The following DTX1 variants were observed in gnomAD, a reference collection of about 807,000 sequenced individuals.
DTX1 encodes the protein deltex E3 ubiquitin ligase 1.
Under a neutral mutation model 57.8 loss-of-function variants are expected in DTX1, and 26 were observed. The ratio of observed to expected loss-of-function variants is 0.45; its 90% CI spans 0.33 to 0.62. The LOEUF (loss-of-function observed/expected upper bound fraction) is 0.62, where lower values mean the gene tolerates loss of function less well. Among genes scored for constraint, DTX1 ranks in the 20% least tolerant of loss-of-function variants. DTX1 has a pLI of 0.02. For missense variants in DTX1, 704 were observed against 895.3 expected (o/e 0.79, Z 2.73); for synonymous variants, 398 against 394.1 (o/e 1.01, Z -0.12).
intron 3 of DTX1, among the ~76,000 whole-genome samples, chr12:113,080,589 A>AGAATGGAATGGAATG (rs111327121): frequency 0.053 from 8,007 of 151,186 alleles, 363 homozygotes; most frequent in Admixed American, 0.14. Flanking sequence ...TTCTTGGAAC[A>AGAATGGAATGGAATG]GAATGGAATG....
At chr12:113,080,902 T>A (rs2044811302) in intron 3 of DTX1, among the ~76,000 whole-genome samples, 1 of 150,282 alleles carries the variant, frequency 6.7e-6, no homozygotes, top group Non-Finnish European at 1.5e-5. Context: ...TTGAGCCCAG[T>A]AGGTCAAGGC....
At chr12:113,061,393 C>T (rs542283149) in intron 2 of DTX1, among the ~76,000 whole-genome samples, 3 of 152,172 alleles carry the variant, frequency 2.0e-5, no homozygotes, top group Admixed American at 1.3e-4. Context: ...GTTTTTCCCT[C>T]GCTTTACCCA....
At position 113,072,629 on chromosome 12, in the gene DTX1, T is replaced by G. The variant is rs534095536; in HGVS notation, c.260-4795T>G. Reference sequence around the variant, plus strand: ...TGGGGTAGATATTAATACCCCCATTTTATAGATAAGGGCACTGAGGCTATG... The same window carrying G: ...TGGGGTAGATATTAATACCCCCATTGTATAGATAAGGGCACTGAGGCTATG... On this transcript the variant is annotated intron_variant, in intron 2 of 9. Coordinates refer to ENST00000548759, the MANE Select transcript of DTX1 (RefSeq NM_004416.3). Among the ~76,000 whole-genome samples, 4 of 152,252 alleles carry G rather than the reference T, an allele frequency of 2.6e-5. No homozygotes were observed. In the South Asian group the frequency reaches 8.3e-4, roughly 32 times the overall value.
rs1206685271 is a variant in DTX1, at chr12:113,077,856, C to A, written c.692C>A (p.Pro231Gln). 9.8e-6 allele frequency: 13 copies of A among 1,320,370 alleles called. No individual in the cohort carries two copies. Among genetic ancestry groups the A allele is most frequent in the Non-Finnish European group, 1.2e-5 (13 of 1,045,286 alleles). 81.8% of individuals were successfully genotyped at this position (1,320,370 alleles called of 1,614,324 possible). A position where few individuals can be genotyped will look rare whatever the true frequency, so the allele number is the denominator to read the frequency against. Residue 231 changes from proline to glutamine, a missense_variant, in exon 3 of 10, where the codon CCG becomes CAG. Pro to Gln is a moderately conservative substitution (Grantham distance 76, BLOSUM62 -1). Transcript: ENST00000548759. The surrounding 1 kb of genome is among the most constrained non-coding windows in gnomAD (Gnocchi z 7.8). ...SQRRKAPPAP[P>Q]LPPPPPPGGP... is the part of the protein sequence containing the mutation. ...CGCCGCAAGGCGCCCCCCGCGCCCC[C>A]GCTGCCGCCGCCGCCGCCACCTGGA...
At chr12:113,060,849 G>A (rs1251344023) in intron 2 of DTX1, among the ~76,000 whole-genome samples, 4 of 152,156 alleles carry the variant, frequency 2.6e-5, no homozygotes, top group Admixed American at 6.5e-5. Context: ...AGGAGGTCTG[G>A]TGTTCTGCAG....
At position 113,096,886 on chromosome 12, in the gene DTX1, G is replaced by C; in HGVS notation, c.1810G>C (p.Val604Leu). The part of the protein sequence containing the change: ...GYPDASYLDN[V>L]LAELTAQGVS... Reference sequence around the variant, plus strand: ...CCCGGACGCTAGCTACCTAGACAACGTGCTGGCTGAGCTCACAGCCCAGGG... The same window carrying C: ...CCCGGACGCTAGCTACCTAGACAACCTGCTGGCTGAGCTCACAGCCCAGGG... Residue 604 changes from valine (V) to leucine (L), a missense_variant, in exon 10 of 10, where the codon GTG becomes CTG. By Grantham distance (32) the Val-to-Leu change is conservative. Transcript: ENST00000548759. The C allele has an allele frequency of 6.2e-7, 1 of 1,613,448 alleles. No individual in the cohort carries two copies. Among genetic ancestry groups the C allele is most frequent in the Non-Finnish European group, 8.5e-7 (1 of 1,180,034 alleles).
intron 3 of DTX1, among the ~76,000 whole-genome samples, chr12:113,078,329 T>A (rs967614049): frequency 6.6e-6 from 1 of 152,160 alleles, no homozygotes; most frequent in Admixed American, 6.5e-5. Flanking sequence ...ATGAGGTAGG[T>A]ACCATCATCA....
intron 3 of DTX1, among the ~76,000 whole-genome samples, chr12:113,082,156 T>C (rs373373810): frequency 3.9e-4 from 59 of 152,178 alleles, no homozygotes; most frequent in South Asian, 2.7e-3. Context: ...AGCCCAGACA[T>C]TGGCCTGGAA....
Position 113,093,445 on chromosome 12 carries a change from A to AAC in DTX1, c.1004-94_1004-93insAC. The AAC allele has an allele frequency of 1.8e-6, 1 of 565,024 alleles. No individual in the cohort carries two copies. Among genetic ancestry groups the AAC allele is most frequent in the Non-Finnish European group, 2.8e-6 (1 of 358,488 alleles). 35.0% of individuals were successfully genotyped at this position (565,024 alleles called of 1,614,324 possible). The stretch of plus-strand genomic sequence containing the variant: ...TGGGGCCCAAGAGCGCAACCCTCCC[A>AAC]CCCACCCGAGGGCCCCGGGATTCCC... On this transcript the variant is annotated intron_variant, in intron 4 of 9. Coordinates refer to ENST00000548759, the MANE Select transcript of DTX1 (RefSeq NM_004416.3). The surrounding 1 kb of genome is among the most constrained non-coding windows in gnomAD (Gnocchi z 4.2).
chr12:113,082,415 GGC>G (rs757182551), intron 3 of DTX1, among the ~76,000 whole-genome samples: 1 of 152,162 alleles, frequency 6.6e-6, no homozygotes, highest in Non-Finnish European at 1.5e-5. Context: ...GGCAGACCCT[GGC>G]TTCTTCCGCC....
chr12:113,065,953 G>T (rs561699625), intron 2 of DTX1, among the ~76,000 whole-genome samples: 3 of 152,230 alleles, frequency 2.0e-5, no homozygotes, highest in Middle Eastern at 3.4e-3. Flanking sequence ...CCAGGCCTCC[G>T]CCCGCCACCT....
chr12:113,093,577 G>T lies in DTX1; in HGVS notation c.1042G>T (p.Val348Leu). ...GILLCAAGLP[V>L]CLTRAPKPIL... Reference sequence around the variant, plus strand: ...ACTGCTGTGCGCGGCCGGGCTGCCCGTGTGCCTGACGCGGGCCCCCAAGCC... The same window carrying T: ...ACTGCTGTGCGCGGCCGGGCTGCCCTTGTGCCTGACGCGGGCCCCCAAGCC... Residue 348 changes from valine (V) to leucine (L), a missense_variant, in exon 5 of 10, where the codon GTG (valine) becomes TTG (leucine). By Grantham distance (32) the Val-to-Leu change is conservative (BLOSUM62 1). Transcript: ENST00000548759. This position sits in a 1 kb window ranked among gnomAD's most constrained non-coding sequence, Gnocchi z 4.2. 1.2e-6 allele frequency: 2 copies of T among 1,610,818 alleles called. No homozygotes were observed. Among genetic ancestry groups the T allele is most frequent in the Non-Finnish European group, 1.7e-6 (2 of 1,178,790 alleles).
intron 3 of DTX1, among the ~76,000 whole-genome samples, chr12:113,079,033 A>G (rs1039453128): frequency 2.6e-5 from 4 of 152,088 alleles, no homozygotes; most frequent in Non-Finnish European, 5.9e-5. Context: ...ATGGGCACCC[A>G]GCTTGTATCA....
At chr12:113,091,654 C>CCCAAG (rs1401341978) in intron 3 of DTX1, among the ~76,000 whole-genome samples, 5 of 152,132 alleles carry the variant, frequency 3.3e-5, no homozygotes, top group Admixed American at 6.5e-5. Flanking sequence ...TGCAGCAGTA[C>CCCAAG]CCAAGCCTGC....
At chr12:113,086,526 G>A (rs184086340) in intron 3 of DTX1, among the ~76,000 whole-genome samples, 10 of 152,270 alleles carry the variant, frequency 6.6e-5, no homozygotes, top group African/African-American at 2.2e-4. Flanking sequence ...TGGGAGAGAC[G>A]GGTGGGACTG....
In DTX1 at chr12:113,093,693, T is replaced by G; in HGVS notation, c.1158T>G (p.Leu386=). 6.2e-7 allele frequency: 1 copy of G among 1,613,530 alleles called. No individual in the cohort carries two copies. The highest frequency in any genetic ancestry group is 8.5e-7 in the Non-Finnish European group (1 of 1,179,852). ...GCCGCAAGACCAAGAAGAAGCACCT[T>G]AAAAAGAGTACGCCCTCCACGCCCT... is the stretch of plus-strand genomic sequence containing the variant. ...GVCRKTKKKH[L]KKSKNPEDVV... Residue 386 remains leucine, a synonymous_variant, in exon 5 of 10, where the codon CTT becomes CTG. Transcript: ENST00000548759. The surrounding 1 kb of genome is among the most constrained non-coding windows in gnomAD (Gnocchi z 4.2).
At position 113,095,095 on chromosome 12, in the gene DTX1, T is replaced by C. The variant is rs766112060; in HGVS notation, c.1440T>C (p.Gly480=). ...TCKAIYGEKT[G]TQPPGKMEFH... is the part of the protein sequence containing the mutation. ...AGGCCATCTACGGGGAGAAGACGGG[T>C]ACGCAGCCGCCTGGGAAGATGGAGT... Residue 480 remains glycine, a synonymous_variant, in exon 8 of 10, where the codon GGT becomes GGC. Transcript: ENST00000548759. The C allele has an allele frequency of 2.5e-6, 4 of 1,613,794 alleles. No individual in the cohort carries two copies. The highest frequency in any genetic ancestry group is 3.4e-6 in the Non-Finnish European group (4 of 1,179,766).
chr12:113,062,310 A>C (rs1318560388), intron 2 of DTX1, among the ~76,000 whole-genome samples: 1 of 152,188 alleles, frequency 6.6e-6, no homozygotes, highest in Admixed American at 6.5e-5. Flanking sequence ...TGTTGTAACT[A>C]TTCAACTCTA....
chr12:113,082,774 T>TG (rs1284541140), intron 3 of DTX1, among the ~76,000 whole-genome samples: 11 of 152,108 alleles, frequency 7.2e-5, no homozygotes, highest in Non-Finnish European at 1.6e-4. Flanking sequence ...TTTTTAAAAT[T>TG]TTTTGTAGGG....
Sources: allele counts gnomAD v4.1 joint callset (sites outside exome capture counted in the v4.1 genomes callset), GRCh38; gene constraint gnomAD v4.1.1; non-coding constraint Gnocchi (gnomAD v3.1); transcripts MANE v1.5; gene names NCBI Gene and HGNC (gene_info 2026-07-23, HGNC 2026-07-21).